SSNA1: variants seen among roughly 807,000 people sequenced by gnomAD.
SSNA1 encodes microtubule nucleation factor SSNA1.
Under a neutral mutation model 13.3 loss-of-function variants are expected in SSNA1, and 13 were observed. The observed-to-expected ratio is 0.97, with a 90% CI of 0.63 to 1.55. The LOEUF (loss-of-function observed/expected upper bound fraction) is 1.55. SSNA1 is among the 40% of genes most tolerant of loss of function. The pLI is 0.00. For missense variants in SSNA1, 186 were observed against 152.7 expected, an observed-to-expected ratio of 1.22 and a Z score of -1.15; for synonymous variants, 89 against 65.9, an observed-to-expected ratio of 1.35 and a Z score of -1.70.
chr9:137,189,945 G>A lies in SSNA1; in HGVS notation c.*31G>A, dbSNP rs772207115. On this transcript the variant is annotated 3_prime_UTR_variant, in exon 3 of 3. Coordinates refer to ENST00000322310, the MANE Select transcript of SSNA1 (RefSeq NM_003731.3). ...CCACGGGCAGGGCCTGCCTCCGTGT[G>A]CCCCTCAGCTCAGCCCCAGCAAGTG... 13 of 1,580,502 alleles carry A rather than the reference G, an allele frequency of 8.2e-6. No homozygotes were observed. Among genetic ancestry groups the A allele is most frequent in the Non-Finnish European group, 1.1e-5 (13 of 1,151,304 alleles).
Position 137,188,732 on chromosome 9 carries a change from C to A in SSNA1, c.6C>A (p.Thr2=). 1 of 1,585,182 alleles carries A rather than the reference C, an allele frequency of 6.3e-7. No homozygotes were observed. Among genetic ancestry groups the A allele is most frequent in the Non-Finnish European group, 8.5e-7 (1 of 1,173,416 alleles). M[T]QQGAALQNYN... ...GGCCCCGGGCGGCGTTGACCATGAC[C>A]CAGCAGGGCGCGGCGCTGCAGAACT... The change falls in exon 1 of 3, where the codon ACC becomes ACA. Residue 2 remains threonine (T), a synonymous_variant. Coordinates refer to ENST00000322310, the MANE Select transcript of SSNA1 (RefSeq NM_003731.3).
At position 137,189,276 on chromosome 9, in the gene SSNA1, G is replaced by A; in HGVS notation, c.252+11G>A. On this transcript the variant is annotated intron_variant, in intron 2 of 2. Transcript: ENST00000322310. Reference sequence around the variant, plus strand: ...GCCGCCTACCTCAAGGTGGAGCTCGGGAGGCCAGGCCGAGCATCAGGGGAT... The same window carrying A: ...GCCGCCTACCTCAAGGTGGAGCTCGAGAGGCCAGGCCGAGCATCAGGGGAT... The A allele has an allele frequency of 6.2e-7, 1 of 1,612,850 alleles. No individual in the cohort carries two copies. Among genetic ancestry groups the A allele is most frequent in the Non-Finnish European group, 8.5e-7 (1 of 1,179,864 alleles).
At position 137,190,267 on chromosome 9, in the gene SSNA1, G is replaced by C; in HGVS notation, c.*353G>C. On this transcript the variant is annotated 3_prime_UTR_variant, in exon 3 of 3. Coordinates refer to ENST00000322310, the MANE Select transcript of SSNA1 (RefSeq NM_003731.3). ...CCTCCTCAGCCAGCAGAGGCCCAGG[G>C]CAAGGGACAGGAGGACAGGGGTTCT... 1 of 304,418 alleles carries C rather than the reference G, an allele frequency of 3.3e-6. No homozygotes were observed. The highest frequency in any genetic ancestry group is 3.5e-5 in the South Asian group (1 of 28,300). The allele number at this position is 304,418 out of a possible 1,614,324, so 18.9% of individuals were successfully genotyped here.
Position 137,189,270 on chromosome 9 carries a change from A to G in SSNA1, c.252+5A>G. ...ACGGAGGCCGCCTACCTCAAGGTGGAGCTCGGGAGGCCAGGCCGAGCATCA... is the reference window on the plus strand; with the variant it reads ...ACGGAGGCCGCCTACCTCAAGGTGGGGCTCGGGAGGCCAGGCCGAGCATCA... On this transcript the variant is annotated splice_donor_5th_base_variant and intron_variant, in intron 2 of 2. Transcript: ENST00000322310. The G allele has an allele frequency of 1.9e-6, 3 of 1,612,882 alleles. No homozygotes were observed. The highest frequency in any genetic ancestry group is 2.5e-6 in the Non-Finnish European group (3 of 1,179,874).
chr9:137,188,822 G>C (rs1377851346), intron 1 of SSNA1, 44 bp downstream of exon 1: 3 of 1,526,676 alleles, frequency 2.0e-6, no homozygotes, highest in Non-Finnish European at 2.6e-6. Flanking sequence ...GGGCCGCAGG[G>C]CCGGGTTCCC....
Position 137,189,229 on chromosome 9 carries a change from C to T in SSNA1, c.216C>T (p.Asp72=). The T allele has an allele frequency of 6.2e-7, 1 of 1,613,166 alleles. No homozygotes were observed. Among genetic ancestry groups the T allele is most frequent in the Non-Finnish European group, 8.5e-7 (1 of 1,179,994 alleles). Residue 72 remains aspartate (D), a synonymous_variant, in exon 2 of 3, where the codon GAC becomes GAT. Coordinates refer to ENST00000322310, the MANE Select transcript of SSNA1 (RefSeq NM_003731.3). The part of the protein sequence containing the change: ...ARKIASRNEF[D]RTIAETEAAY... ...AGATTGCCTCTCGCAACGAGTTCGA[C>T]CGGACCATCGCGGAGACGGAGGCCG...
rs1220060177 is a variant in SSNA1, at chr9:137,190,109, T to C, written c.*195T>C. Reference sequence around the variant, plus strand: ...AGCCCACCCGGGGGTCCTCGCTTCATGCTCACACAGGCTATGGGGATGGTG... The same window carrying C: ...AGCCCACCCGGGGGTCCTCGCTTCACGCTCACACAGGCTATGGGGATGGTG... On this transcript the variant is annotated 3_prime_UTR_variant, in exon 3 of 3. Transcript: ENST00000322310. The C allele has an allele frequency of 1.2e-5, 7 of 573,906 alleles. No individual in the cohort carries two copies. In the East Asian group the frequency reaches 1.8e-4, roughly 15 times the overall value. 35.6% of individuals were successfully genotyped at this position (573,906 alleles called of 1,614,324 possible).
chr9:137,188,740 G>C lies in SSNA1; in HGVS notation c.14G>C (p.Gly5Ala). Residue 5 changes from glycine to alanine, a missense_variant, in exon 1 of 3, where the codon GGC becomes GCC. By Grantham distance (60) the Gly-to-Ala change is moderately conservative. Coordinates refer to ENST00000322310, the MANE Select transcript of SSNA1 (RefSeq NM_003731.3). MTQQGAALQNYNNEL... is the reference protein window; with the variant it reads MTQQAAALQNYNNEL... The stretch of plus-strand genomic sequence containing the variant: ...GCGGCGTTGACCATGACCCAGCAGG[G>C]CGCGGCGCTGCAGAACTACAACAAC... The C allele has an allele frequency of 6.3e-7, 1 of 1,585,648 alleles. No homozygotes were observed. Among genetic ancestry groups the C allele is most frequent in the Middle Eastern group, 1.7e-4 (1 of 5,982 alleles).
chr9:137,189,051 C>G lies in SSNA1; in HGVS notation c.53-15C>G, dbSNP rs541298663. The G allele has an allele frequency of 1.3e-6, 2 of 1,553,796 alleles. No individual in the cohort carries two copies. The highest frequency in any genetic ancestry group is 1.4e-5 in the African/African-American group (1 of 73,278). ...CCTGCCCTGGGCCCACAGCGCCGCCCCTCCCGGCCCCCAGGCATAGAGGAG... is the reference window on the plus strand; with the variant it reads ...CCTGCCCTGGGCCCACAGCGCCGCCGCTCCCGGCCCCCAGGCATAGAGGAG... On this transcript the variant is annotated splice_polypyrimidine_tract_variant and intron_variant, in intron 1 of 2. Coordinates refer to ENST00000322310, the MANE Select transcript of SSNA1 (RefSeq NM_003731.3).
rs1834586735 is a variant in SSNA1, at chr9:137,190,294, CT to C, written c.*382del. 1 of 255,286 alleles carries C rather than the reference CT, an allele frequency of 3.9e-6. No homozygotes were observed. The allele number at this position is 255,286 out of a possible 1,614,324, so 15.8% of individuals were successfully genotyped here. A position where few individuals can be genotyped will look rare whatever the true frequency, so the allele number is the denominator to read the frequency against. On this transcript the variant is annotated 3_prime_UTR_variant, in exon 3 of 3. Transcript: ENST00000322310. ...AAGGGACAGGAGGACAGGGGTTCTCCTTCACCACAGAACCCAAACCTCAGGT... is the reference window on the plus strand; with the variant it reads ...AAGGGACAGGAGGACAGGGGTTCTCCTCACCACAGAACCCAAACCTCAGGT...
chr9:137,190,145 C>G lies in SSNA1; in HGVS notation c.*231C>G. 2 of 515,986 alleles carry G rather than the reference C, an allele frequency of 3.9e-6. No individual in the cohort carries two copies. The highest frequency in any genetic ancestry group is 6.9e-5 in the East Asian group (2 of 29,002). 32.0% of individuals were successfully genotyped at this position (515,986 alleles called of 1,614,324 possible). A position where few individuals can be genotyped will look rare whatever the true frequency, so the allele number is the denominator to read the frequency against. ...GCTATGGGGATGGTGGGCTCCAGGT[C>G]AGCTCTGCAAGGGGCTTGTCTCTGT... On this transcript the variant is annotated 3_prime_UTR_variant, in exon 3 of 3. Transcript: ENST00000322310.
In SSNA1 at chr9:137,188,738, G is replaced by A; in HGVS notation, c.12G>A (p.Gln4=). The part of the protein sequence containing the change: MTQ[Q]GAALQNYNNE... Reference sequence around the variant, plus strand: ...GGGCGGCGTTGACCATGACCCAGCAGGGCGCGGCGCTGCAGAACTACAACA... The same window carrying A: ...GGGCGGCGTTGACCATGACCCAGCAAGGCGCGGCGCTGCAGAACTACAACA... Residue 4 remains glutamine (Q), a synonymous_variant, in exon 1 of 3, where the codon CAG becomes CAA. Transcript: ENST00000322310. 6.3e-7 allele frequency: 1 copy of A among 1,585,834 alleles called. No homozygotes were observed.
Position 137,190,075 on chromosome 9 carries a change from C to T in SSNA1, c.*161C>T. The T allele has an allele frequency of 1.5e-6, 1 of 657,202 alleles. No homozygotes were observed. Among genetic ancestry groups the T allele is most frequent in the East Asian group, 2.8e-5 (1 of 36,060 alleles). The allele number at this position is 657,202 out of a possible 1,614,324, so 40.7% of individuals were successfully genotyped here. A position where few individuals can be genotyped will look rare whatever the true frequency, so the allele number is the denominator to read the frequency against. On this transcript the variant is annotated 3_prime_UTR_variant, in exon 3 of 3. Transcript: ENST00000322310. Reference sequence around the variant, plus strand: ...GCCTCCACTGGCATCAGTGACAAGCCCAGGGCACAGCCCACCCGGGGGTCC... The same window carrying T: ...GCCTCCACTGGCATCAGTGACAAGCTCAGGGCACAGCCCACCCGGGGGTCC...
Position 137,190,175 on chromosome 9 carries a change from C to T in SSNA1, c.*261C>T, listed in dbSNP as rs937286920. 3.1e-5 allele frequency: 14 copies of T among 454,052 alleles called. No homozygotes were observed. Among genetic ancestry groups the T allele is most frequent in the Non-Finnish European group, 4.4e-5 (11 of 247,784 alleles). The allele number at this position is 454,052 out of a possible 1,614,324, so 28.1% of individuals were successfully genotyped here. On this transcript the variant is annotated 3_prime_UTR_variant, in exon 3 of 3. Transcript: ENST00000322310. ...CTGCAAGGGGCTTGTCTCTGTGGCA[C>T]CCACACTCCTGCCCTGCCAGGGAGG...
In SSNA1 at chr9:137,188,707, G is replaced by T. The variant is rs1834538676; in HGVS notation, c.-20G>T. Reference sequence around the variant, plus strand: ...GCTTCCGCGGCGGTTGGGGTGGTGGGGCCCCGGGCGGCGTTGACCATGACC... The same window carrying T: ...GCTTCCGCGGCGGTTGGGGTGGTGGTGCCCCGGGCGGCGTTGACCATGACC... On this transcript the variant is annotated 5_prime_UTR_variant, in exon 1 of 3. Coordinates refer to ENST00000322310, the MANE Select transcript of SSNA1 (RefSeq NM_003731.3). The T allele has an allele frequency of 6.3e-7, 1 of 1,578,482 alleles. No homozygotes were observed. The highest frequency in any genetic ancestry group is 8.5e-7 in the Non-Finnish European group (1 of 1,170,780).
chr9:137,189,446 T>G (rs1348154697), intron 2 of SSNA1, among the ~76,000 whole-genome samples, 181 bp downstream of exon 2: 8 of 152,204 alleles, frequency 5.3e-5, no homozygotes, highest in Non-Finnish European at 7.4e-5. Flanking sequence ...GGAGTGACTG[T>G]GGGGCTGTCT....
chr9:137,189,202 C>G lies in SSNA1; in HGVS notation c.189C>G (p.Arg63=), dbSNP rs755561653. The G allele has an allele frequency of 1.9e-5, 30 of 1,613,208 alleles. No homozygotes were observed. The highest frequency in any genetic ancestry group is 1.1e-5 in the South Asian group (1 of 91,088). Reference sequence around the variant, plus strand: ...CCCGCGTCAACGAGAACCTGGCACGCAAGATTGCCTCTCGCAACGAGTTCG... The same window carrying G: ...CCCGCGTCAACGAGAACCTGGCACGGAAGATTGCCTCTCGCAACGAGTTCG... ...KLARVNENLA[R]KIASRNEFDR... Residue 63 remains arginine, a synonymous_variant, in exon 2 of 3, where the codon CGC becomes CGG. Transcript: ENST00000322310.
chr9:137,190,131 G>A lies in SSNA1; in HGVS notation c.*217G>A. 2 of 537,932 alleles carry A rather than the reference G, an allele frequency of 3.7e-6. No individual in the cohort carries two copies. The highest frequency in any genetic ancestry group is 6.7e-6 in the Non-Finnish European group (2 of 297,826). The allele number at this position is 537,932 out of a possible 1,614,324, so 33.3% of individuals were successfully genotyped here. On this transcript the variant is annotated 3_prime_UTR_variant, in exon 3 of 3. Transcript: ENST00000322310. The stretch of plus-strand genomic sequence containing the variant: ...TCATGCTCACACAGGCTATGGGGAT[G>A]GTGGGCTCCAGGTCAGCTCTGCAAG...
chr9:137,190,001 A>G lies in SSNA1; in HGVS notation c.*87A>G. The G allele has an allele frequency of 2.5e-6, 3 of 1,190,316 alleles. No individual in the cohort carries two copies. Among genetic ancestry groups the G allele is most frequent in the Non-Finnish European group, 3.7e-6 (3 of 821,906 alleles). 73.7% of individuals were successfully genotyped at this position (1,190,316 alleles called of 1,614,324 possible). On this transcript the variant is annotated 3_prime_UTR_variant, in exon 3 of 3. Coordinates refer to ENST00000322310, the MANE Select transcript of SSNA1 (RefSeq NM_003731.3). Reference sequence around the variant, plus strand: ...TCAGAGCATCTTTGTTCTTCACGGCAGCAGCTACCTTCCCTCACTGTCTCA... The same window carrying G: ...TCAGAGCATCTTTGTTCTTCACGGCGGCAGCTACCTTCCCTCACTGTCTCA...
Sources: gnomAD v4.1 joint callset for allele counts (sites outside exome capture counted in the v4.1 genomes callset) on GRCh38, gnomAD v4.1.1 for gene constraint, MANE v1.5 for transcripts, NCBI Gene and HGNC (gene_info 2026-07-23, HGNC 2026-07-21) for gene names.